ATP11A: variants seen among roughly 807,000 people sequenced by gnomAD.
ATP11A encodes the protein phospholipid-transporting ATPase IH.
Under a neutral mutation model 154.4 loss-of-function variants are expected in ATP11A, and 81 were observed. That is an observed-to-expected ratio of 0.52 (90% CI 0.44 to 0.63). The LOEUF is 0.63. Among genes scored for constraint, ATP11A ranks in the 30% least tolerant of loss-of-function variants. ATP11A has a pLI of 0.00. For synonymous variants in ATP11A, 623 were observed against 585.9 expected (o/e 1.06, Z -0.91); for missense variants, 1,316 against 1,474.3 (o/e 0.89, Z 1.76).
chr13:112,838,932 T>C lies in ATP11A; in HGVS notation c.1705+2681T>C, dbSNP rs2079315252. ...TGGGCGGGGAGACCCTGCAGCCAGC[T>C]CACAGCTCGTGTTTCCTCCTGGGCT... is the stretch of plus-strand genomic sequence containing the variant. On this transcript the variant is annotated intron_variant, in intron 16 of 29. Coordinates refer to ENST00000375645, the MANE Select transcript of ATP11A (RefSeq NM_015205.3). This position sits in a 1 kb window ranked among gnomAD's most constrained non-coding sequence, Gnocchi z 7.3. Among the ~76,000 whole-genome samples the C allele has an allele frequency of 1.3e-5, 2 of 152,220 alleles. No individual in the cohort carries two copies. The highest frequency in any genetic ancestry group is 4.1e-4 in the South Asian group (2 of 4,838).
At chr13:112,738,085 ACTTGGGCTGGGCACAG>A (rs1045742036) in intron 1 of ATP11A, among the ~76,000 whole-genome samples, 1 of 152,044 alleles carries the variant, frequency 6.6e-6, no homozygotes, top group Admixed American at 6.5e-5. Flanking sequence ...AATAGCTCCA[ACTTGGGCTGGGCACAG>A]TGGCTTATGC....
chr13:112,695,578 G>GA (rs1460779058), intron 1 of ATP11A, among the ~76,000 whole-genome samples: 11 of 152,084 alleles, frequency 7.2e-5, no homozygotes, highest in Admixed American at 6.5e-4. Context: ...AACCTAGAGG[G>GA]AAAAAAGTTT....
At chr13:112,828,008 A>C (rs2078976370) in intron 12 of ATP11A, among the ~76,000 whole-genome samples, 1 of 152,266 alleles carries the variant, frequency 6.6e-6, no homozygotes, top group African/African-American at 2.4e-5. Flanking sequence ...TAGATGGTAC[A>C]TTTTGTGAGC....
In ATP11A at chr13:112,838,541, G is replaced by A. The variant is rs918396537; in HGVS notation, c.1705+2290G>A. Among the ~76,000 whole-genome samples the A allele has an allele frequency of 2.6e-5, 4 of 152,228 alleles. No individual in the cohort carries two copies. The highest frequency in any genetic ancestry group is 7.2e-5 in the African/African-American group (3 of 41,470). On this transcript the variant is annotated intron_variant, in intron 16 of 29. Coordinates refer to ENST00000375645, the MANE Select transcript of ATP11A (RefSeq NM_015205.3). The surrounding 1 kb of genome is among the most constrained non-coding windows in gnomAD (Gnocchi z 7.3). Reference sequence around the variant, plus strand: ...CACCCCGGAGCTGGCCCTGCCACACGCTCACAAGGGGTTTTTGCTGCATCC... The same window carrying A: ...CACCCCGGAGCTGGCCCTGCCACACACTCACAAGGGGTTTTTGCTGCATCC...
intron 24 of ATP11A, chr13:112,860,809 G>T (rs1358727074): frequency 6.4e-6 from 1 of 157,200 alleles, no homozygotes; most frequent in Non-Finnish European, 1.4e-5. Flanking sequence ...TCTGGTTTCA[G>T]GGTGTCTTTT....
At chr13:112,775,310 C>T (rs755247914) in intron 1 of ATP11A, among the ~76,000 whole-genome samples, 1 of 152,228 alleles carries the variant, frequency 6.6e-6, no homozygotes, top group East Asian at 1.9e-4. Flanking sequence ...GCTCGTTATC[C>T]GACTCTGCCT....
intron 1 of ATP11A, among the ~76,000 whole-genome samples, chr13:112,740,029 C>G (rs1269620199): frequency 6.6e-6 from 1 of 151,906 alleles, no homozygotes; most frequent in Non-Finnish European, 1.5e-5. Flanking sequence ...TGAAAATGCT[C>G]TAGAATTAGA....
At chr13:112,826,311 C>T (rs1279752658) in intron 11 of ATP11A, among the ~76,000 whole-genome samples, 1 of 152,242 alleles carries the variant, frequency 6.6e-6, no homozygotes, top group Non-Finnish European at 1.5e-5. Context: ...TTAGTTTTTA[C>T]ATCTGTAGGT....
rs1003802492 is a variant in ATP11A at position 112,825,475 on chromosome 13, C to G, written c.918C>G (p.Ser306Arg). ...FLIVYLCILI[S>R]KALINTVLKY... ...TTGTGTATCTCTGCATTCTGATCAG[C>G]AAAGCCCTGATAAACACTGTGCTGA... The change falls in exon 11 of 30, where the codon AGC becomes AGG. Residue 306 changes from serine (S) to arginine (R), a missense_variant. Physicochemically the swap from Ser to Arg is moderately radical, Grantham distance 110. Transcript: ENST00000375645. 3 of 1,613,972 alleles carry G rather than the reference C, an allele frequency of 1.9e-6. No individual in the cohort carries two copies. Among genetic ancestry groups the G allele is most frequent in the Admixed American group, 3.3e-5 (2 of 59,984 alleles).
chr13:112,840,631 C>G lies in ATP11A; in HGVS notation c.1706-1645C>G, dbSNP rs1043964062. Among the ~76,000 whole-genome samples, 6 of 151,908 alleles carry G rather than the reference C, an allele frequency of 3.9e-5. 1 individual carries two copies. The highest frequency in any genetic ancestry group is 1.4e-4 in the African/African-American group (6 of 41,380). On this transcript the variant is annotated intron_variant, in intron 16 of 29. Transcript: ENST00000375645. Reference sequence around the variant, plus strand: ...ACTGGTTTGCTGCATGTATTGGCAACACCTGTGTCACCAGGTGCCATCCTC... The same window carrying G: ...ACTGGTTTGCTGCATGTATTGGCAAGACCTGTGTCACCAGGTGCCATCCTC...
At chr13:112,771,880 C>T (rs974327605) in intron 1 of ATP11A, among the ~76,000 whole-genome samples, 3 of 152,214 alleles carry the variant, frequency 2.0e-5, no homozygotes, top group East Asian at 1.9e-4. Context: ...TAGGAGGAAA[C>T]GTTAATGAAC....
Position 112,810,597 on chromosome 13 carries a change from C to T in ATP11A, c.334-22C>T, listed in dbSNP as rs187361419. On this transcript the variant is annotated intron_variant, in intron 4 of 29. Transcript: ENST00000375645. ...CCCTCTCTCCCTGCTTCCTCTCTCC[C>T]TTCTTTCCTTCCTTTTTTTAGGGTT... The T allele has an allele frequency of 5.0e-6, 8 of 1,597,670 alleles. No homozygotes were observed. The African/African-American group carries it at 8.0e-5, about 16-fold the overall frequency.
At chr13:112,824,498 C>G in intron 10 of ATP11A, 73 bp downstream of exon 10, 1 of 1,426,998 alleles carries the variant, frequency 7.0e-7, no homozygotes, top group Non-Finnish European at 9.9e-7. Context: ...AAGTAGCTTC[C>G]TCTTGGCCTT....
chr13:112,767,849 G>A (rs1386998123), intron 1 of ATP11A, among the ~76,000 whole-genome samples: 5 of 152,108 alleles, frequency 3.3e-5, no homozygotes, highest in East Asian at 1.9e-4. Flanking sequence ...TCACCTGCTC[G>A]GTGGCAGTGC....
chr13:112,872,536 G>A (rs536733273), intron 26 of ATP11A, among the ~76,000 whole-genome samples: 253 of 152,336 alleles, frequency 1.7e-3, no homozygotes, highest in Non-Finnish European at 3.2e-3. Context: ...GCTTGAACCC[G>A]GGAGGTGGAG....
At chr13:112,772,880 T>C (rs2077259408) in intron 1 of ATP11A, among the ~76,000 whole-genome samples, 1 of 152,260 alleles carries the variant, frequency 6.6e-6, no homozygotes, top group Admixed American at 6.5e-5. Context: ...TTGTCTTTTC[T>C]ATTTTTGAGT....
At position 112,690,455 on chromosome 13, in the gene ATP11A, C is replaced by T. The variant is rs1250652757; in HGVS notation, c.39C>T (p.Tyr13=). ...CSLVRTLVHR[Y]CAGEENWVDS... ...TCGTGCGGACGCTCGTGCACAGATA[C>T]GTGAGTGCTCCCGGCGCGGGCTGGG... The change falls in exon 1 of 30, where the codon TAC becomes TAT. Residue 13 remains tyrosine (Y), a splice_region_variant and synonymous_variant. Transcript: ENST00000375645. This position sits in a 1 kb window ranked among gnomAD's most constrained non-coding sequence, Gnocchi z 5.6. 1 of 1,351,672 alleles carries T rather than the reference C, an allele frequency of 7.4e-7. No homozygotes were observed. Among genetic ancestry groups the T allele is most frequent in the Non-Finnish European group, 9.5e-7 (1 of 1,049,374 alleles). 83.7% of individuals were successfully genotyped at this position (1,351,672 alleles called of 1,614,324 possible).
intron 2 of ATP11A, among the ~76,000 whole-genome samples, chr13:112,801,011 C>G (rs376853313): frequency 1.3e-5 from 2 of 152,098 alleles, no homozygotes; most frequent in Non-Finnish European, 2.9e-5. Flanking sequence ...AGAGCATCTC[C>G]GAAAAGCCCT....
In ATP11A at chr13:112,755,677, C is replaced by T. The variant is rs535664063; in HGVS notation, c.40-29458C>T. On this transcript the variant is annotated intron_variant, in intron 1 of 29. Coordinates refer to ENST00000375645, the MANE Select transcript of ATP11A (RefSeq NM_015205.3). ...CAGGGAAGCATCAATCAGAGCGGCTCCCAGAACCATTTCCGGTCACGGAAC... is the reference window on the plus strand; with the variant it reads ...CAGGGAAGCATCAATCAGAGCGGCTTCCAGAACCATTTCCGGTCACGGAAC... Among the ~76,000 whole-genome samples the T allele has an allele frequency of 3.3e-5, 5 of 149,698 alleles. 1 individual carries two copies. The South Asian group carries it at 1.0e-3, about 31-fold the overall frequency.
Sources: gnomAD v4.1 joint callset for allele counts (sites outside exome capture counted in the v4.1 genomes callset) on GRCh38, gnomAD v4.1.1 for gene constraint, Gnocchi (gnomAD v3.1) non-coding constraint, MANE v1.5 for transcripts, NCBI Gene and HGNC (gene_info 2026-07-23, HGNC 2026-07-21) for gene names.